Variants in VEZF1 observed in about 807,000 individuals in gnomAD.
VEZF1 encodes the protein putative transcription factor DB1.
VEZF1 carries 5 observed loss-of-function variants against 44.1 expected under a neutral mutation model. That is an observed-to-expected ratio of 0.11 (90% CI 0.06 to 0.24). VEZF1 has a LOEUF of 0.24. Among genes scored for constraint, VEZF1 ranks in the 10% least tolerant of loss-of-function variants. The pLI is 1.00. For missense variants in VEZF1, 358 were observed against 641.8 expected, an observed-to-expected ratio of 0.56 and a Z score of 4.78; for synonymous variants, 236 against 233.1, an observed-to-expected ratio of 1.01 and a Z score of -0.11.
intron 5 of VEZF1, 114 bp downstream of exon 5, chr17:57,979,038 T>C (rs751487158): frequency 7.4e-7 from 1 of 1,354,050 alleles, no homozygotes; most frequent in Admixed American, 2.2e-5. Flanking sequence ...ACTATTTCCA[T>C]GTTTCCATTA....
In VEZF1 at chr17:57,975,421, A is replaced by C. The variant is rs138700157; in HGVS notation, c.1139-521T>G. 2.7e-4 allele frequency among the ~76,000 whole-genome samples: 41 copies of C among 152,384 alleles called. No homozygotes were observed. In the East Asian group the frequency reaches 7.3e-3, roughly 27 times the overall value. On this transcript the variant is annotated intron_variant, in intron 5 of 5. Transcript: ENST00000581208. ...CTAGCAGAGAGAGGTGTGCATACTC[A>C]ATAAGTATGTTAAAGCCTGAGACAT...
intron 2 of VEZF1, 88 bp from the exon 3 acceptor site, chr17:57,982,024 G>T (rs933386366): frequency 4.2e-5 from 59 of 1,415,352 alleles, no homozygotes; most frequent in Middle Eastern, 2.1e-4. Context: ...GGCAGATTGG[G>T]AAGGGGTGCA....
chr17:57,976,951 T>C (rs1030616990), intron 5 of VEZF1, among the ~76,000 whole-genome samples: 6 of 152,224 alleles, frequency 3.9e-5, no homozygotes, highest in Non-Finnish European at 1.5e-5. Context: ...CCGTGTTTTC[T>C]TTTTAATCTA....
At chr17:57,977,509 C>T (rs942956894) in intron 5 of VEZF1, among the ~76,000 whole-genome samples, 14 of 152,146 alleles carry the variant, frequency 9.2e-5, no homozygotes, top group African/African-American at 2.2e-4. Flanking sequence ...AAAGCCTATA[C>T]GGACTGCTGC....
Position 57,982,919 on chromosome 17 carries a change from C to T in VEZF1, c.508G>A (p.Val170Ile), listed in dbSNP as rs139714607. The change falls in exon 2 of 6, where the codon GTC becomes ATC. Residue 170 changes from valine (V) to isoleucine (I), a missense_variant. By Grantham distance (29) the Val-to-Ile change is conservative. Around this residue, in one of 4 missense-constraint regions of VEZF1, gnomAD observed 117 missense variants for 207.2 expected, o/e 0.56. Transcript: ENST00000581208. Reference sequence around the variant, plus strand: ...ATCTCACAAGCATGGTTCTTCTTGACAGGCTTACTGGGTTTCTTGACAGAC... The same window carrying T: ...ATCTCACAAGCATGGTTCTTCTTGATAGGCTTACTGGGTTTCTTGACAGAC... Reference protein sequence around the residue: ...TQSVKKPSKPVKKNHACEMCG... With the variant: ...TQSVKKPSKPIKKNHACEMCG... 164 of 1,614,094 alleles carry T rather than the reference C, an allele frequency of 1.0e-4. No homozygotes were observed. Among genetic ancestry groups the T allele is most frequent in the Middle Eastern group, 1.6e-4 (1 of 6,084 alleles).
chr17:57,982,490 A>G (rs2075258522), intron 2 of VEZF1, among the ~76,000 whole-genome samples: 1 of 152,150 alleles, frequency 6.6e-6, no homozygotes, highest in Non-Finnish European at 1.5e-5. Context: ...AAGTGAAAAA[A>G]ACAGGTTAAT....
At position 57,987,390 on chromosome 17, in the gene VEZF1, A is replaced by G. The variant is rs896555145; in HGVS notation, c.33+689T>C. ...TGCCAAGGCTCGGCTGAGACTTGGG[A>G]AAAAAAAATGTAAATCCAGTGAAAA... On this transcript the variant is annotated intron_variant, in intron 1 of 5. Coordinates refer to ENST00000581208, the MANE Select transcript of VEZF1 (RefSeq NM_007146.3). Among the ~76,000 whole-genome samples the G allele has an allele frequency of 6.1e-4, 93 of 151,352 alleles. No homozygotes were observed. In the Middle Eastern group the frequency reaches 0.01, roughly 17 times the overall value.
intron 2 of VEZF1, 75 bp downstream of exon 2, chr17:57,982,624 T>C: frequency 7.1e-7 from 1 of 1,410,184 alleles, no homozygotes; most frequent in Non-Finnish European, 9.6e-7. Flanking sequence ...ATAAACATTC[T>C]AGATCACATG....
Position 57,988,203 on chromosome 17 carries a change from G to A in VEZF1, c.-92C>T, listed in dbSNP as rs2075321330. On this transcript the variant is annotated 5_prime_UTR_variant, in exon 1 of 6. Transcript: ENST00000581208. ...GCGACAACAAAGCGGCGGCGGCGGC[G>A]GCGGCAACGGCAGCGGCGGCTCCTC... is the stretch of plus-strand genomic sequence containing the variant. 2 of 277,222 alleles carry A rather than the reference G, an allele frequency of 7.2e-6. No individual in the cohort carries two copies. Among genetic ancestry groups the A allele is most frequent in the South Asian group, 1.2e-4 (1 of 8,130 alleles). 17.2% of individuals were successfully genotyped at this position (277,222 alleles called of 1,614,324 possible). A position where few individuals can be genotyped will look rare whatever the true frequency, so the allele number is the denominator to read the frequency against.
At chr17:57,980,898 T>C (rs1212299954) in intron 3 of VEZF1, 112 bp from the exon 4 acceptor site, 2 of 1,045,440 alleles carry the variant, frequency 1.9e-6, no homozygotes, top group South Asian at 1.6e-5. Context: ...TGACAACTAG[T>C]TGAATTTTAA....
chr17:57,983,471 A>C lies in VEZF1; in HGVS notation c.34-78T>G, dbSNP rs941564045. On this transcript the variant is annotated intron_variant, in intron 1 of 5. Coordinates refer to ENST00000581208, the MANE Select transcript of VEZF1 (RefSeq NM_007146.3). ...AAATTCAACATGCTCCAGACAATAG[A>C]GACCAGAAGAAACAGTCAAAGAACC... 12 of 1,289,938 alleles carry C rather than the reference A, an allele frequency of 9.3e-6. No individual in the cohort carries two copies. In the Admixed American group the frequency reaches 2.8e-4, roughly 30 times the overall value. 79.9% of individuals were successfully genotyped at this position (1,289,938 alleles called of 1,614,324 possible).
At position 57,972,064 on chromosome 17, in the gene VEZF1, T is replaced by G. The variant is rs2143301569; in HGVS notation, c.*2409A>C. On this transcript the variant is annotated 3_prime_UTR_variant, in exon 6 of 6. Transcript: ENST00000581208. ...GTGGCTTTATTATTGCAGACAAGCTTCTTAAGTGAATAAAGAATGCATACA... is the reference window on the plus strand; with the variant it reads ...GTGGCTTTATTATTGCAGACAAGCTGCTTAAGTGAATAAAGAATGCATACA... The G allele has an allele frequency of 6.6e-6, 1 of 152,670 alleles. No individual in the cohort carries two copies. The highest frequency in any genetic ancestry group is 2.4e-5 in the African/African-American group (1 of 41,576). 9.5% of individuals were successfully genotyped at this position (152,670 alleles called of 1,614,324 possible).
At position 57,988,108 on chromosome 17, in the gene VEZF1, C is replaced by T; in HGVS notation, c.4G>A (p.Glu2Lys). Residue 2 changes from glutamate (E) to lysine (K), a missense_variant, in exon 1 of 6, where the codon GAG becomes AAG. Around this residue, in one of 4 missense-constraint regions of VEZF1, gnomAD observed 22 missense variants for 17.3 expected, o/e 1.27. Transcript: ENST00000581208. M[E>K]ANWTAFLFQA... ...AACAGGAACGCGGTCCAGTTGGCCT[C>T]CATGGCTGCGGCGGCCGACCCCCCT... The T allele has an allele frequency of 2.4e-6, 2 of 848,194 alleles. No individual in the cohort carries two copies. The highest frequency in any genetic ancestry group is 1.5e-6 in the Non-Finnish European group (1 of 661,322). 52.5% of individuals were successfully genotyped at this position (848,194 alleles called of 1,614,324 possible). A position where few individuals can be genotyped will look rare whatever the true frequency, so the allele number is the denominator to read the frequency against.
chr17:57,982,119 C>T (rs1013898255), intron 2 of VEZF1, among the ~76,000 whole-genome samples, 183 bp from the exon 3 acceptor site: 2 of 152,162 alleles, frequency 1.3e-5, no homozygotes, highest in Non-Finnish European at 2.9e-5. Flanking sequence ...AAGTCTTAGG[C>T]CTCTACCTGT....
chr17:57,981,312 A>G (rs1286984475), intron 3 of VEZF1, among the ~76,000 whole-genome samples: 4 of 152,240 alleles, frequency 2.6e-5, no homozygotes, highest in Non-Finnish European at 5.9e-5. Flanking sequence ...ACTTCCAGCA[A>G]CAAACTAAAA....
chr17:57,986,583 G>T (rs2143378824), intron 1 of VEZF1, among the ~76,000 whole-genome samples: 2 of 152,274 alleles, frequency 1.3e-5, no homozygotes, highest in South Asian at 4.2e-4. Flanking sequence ...GGAAGTTCAT[G>T]AATTCCATAA....
At chr17:57,987,173 T>C (rs1217342322) in intron 1 of VEZF1, among the ~76,000 whole-genome samples, 3 of 152,092 alleles carry the variant, frequency 2.0e-5, no homozygotes. Context: ...TAAGCGGACT[T>C]TGTTTGCTCT....
At chr17:57,977,937 T>A (rs1417594568) in intron 5 of VEZF1, among the ~76,000 whole-genome samples, 1 of 151,810 alleles carries the variant, frequency 6.6e-6, no homozygotes, top group Non-Finnish European at 1.5e-5. Flanking sequence ...GTGTGGTGAC[T>A]CATGCCTGTA....
chr17:57,973,286 A>G lies in VEZF1; in HGVS notation c.*1187T>C, dbSNP rs1037306125. On this transcript the variant is annotated 3_prime_UTR_variant, in exon 6 of 6. Coordinates refer to ENST00000581208, the MANE Select transcript of VEZF1 (RefSeq NM_007146.3). The stretch of plus-strand genomic sequence containing the variant: ...CAGCTGTCTCCCTGAAAACACCACA[A>G]AGCTGATACAAGTGTTTTCTCAAAG... 6.6e-6 allele frequency: 1 copy of G among 152,266 alleles called. No homozygotes were observed. The highest frequency in any genetic ancestry group is 1.5e-5 in the Non-Finnish European group (1 of 68,032). The allele number at this position is 152,266 out of a possible 1,614,324, so 9.4% of individuals were successfully genotyped here.
Sources: allele counts gnomAD v4.1 joint callset (sites outside exome capture counted in the v4.1 genomes callset), GRCh38; gene constraint gnomAD v4.1.1; regional missense constraint gnomAD v4.1.1; transcripts MANE v1.5; gene names NCBI Gene and HGNC (gene_info 2026-07-23, HGNC 2026-07-21).